The following MOCS1 variants were observed in gnomAD, a reference collection of about 807,000 sequenced individuals.
MOCS1 encodes the protein molybdenum cofactor synthesis 1.
A neutral mutation model predicts 57.6 loss-of-function variants in MOCS1; 39 were observed. The observed-to-expected ratio is 0.68, with a 90% CI of 0.52 to 0.88. The LOEUF is 0.88. Among genes scored for constraint, MOCS1 ranks in the 40% least tolerant of loss-of-function variants. The pLI, the probability that MOCS1 is intolerant of heterozygous loss-of-function variation, is 0.00. For missense variants in MOCS1, 795 were observed against 831.1 expected (o/e 0.96, Z 0.53); for synonymous variants, 334 against 335.7 (o/e 1.00, Z 0.05).
At position 39,906,253 on chromosome 6, in the gene MOCS1, TAAAC is replaced by T. The variant is rs745309282; in HGVS notation, c.*100_*103del. The T allele has an allele frequency of 1.4e-5, 21 of 1,448,734 alleles. No homozygotes were observed. The highest frequency in any genetic ancestry group is 3.3e-5 in the Admixed American group (2 of 59,826). 89.7% of individuals were successfully genotyped at this position (1,448,734 alleles called of 1,614,324 possible). A position where few individuals can be genotyped will look rare whatever the true frequency, so the allele number is the denominator to read the frequency against. On this transcript the variant is annotated 3_prime_UTR_variant, in exon 11 of 11. Transcript: ENST00000340692. Reference sequence around the variant, plus strand: ...CTGACTTCGGGTTTACTGCTCAAGGTAAACAAACAGTGACTGTGATTAAAGGAAC... The same window carrying T: ...CTGACTTCGGGTTTACTGCTCAAGGTAAACAGTGACTGTGATTAAAGGAAC...
At chr6:39,929,896 C>G (rs547545909) in intron 1 of MOCS1, among the ~76,000 whole-genome samples, 1 of 143,834 alleles carries the variant, frequency 7.0e-6, no homozygotes, top group African/African-American at 2.6e-5. Flanking sequence ...CAGCCAAGAT[C>G]GCACCACTGT....
At position 39,927,313 on chromosome 6, in the gene MOCS1, C is replaced by A. The variant is rs540414106; in HGVS notation, c.250+16G>T. The A allele has an allele frequency of 8.7e-6, 14 of 1,609,260 alleles. No individual in the cohort carries two copies. The East Asian group carries it at 2.9e-4, about 33-fold the overall frequency. On this transcript the variant is annotated intron_variant, in intron 2 of 10. Transcript: ENST00000340692. ...GATGGACACCAGCCCAGAGAGGGCCCAGGAAGGTGACTCACATCTGAGGTT... is the reference window on the plus strand; with the variant it reads ...GATGGACACCAGCCCAGAGAGGGCCAAGGAAGGTGACTCACATCTGAGGTT...
Position 39,912,134 on chromosome 6 carries a change from CATT to C in MOCS1, c.981+127_981+129del, listed in dbSNP as rs1166168202. 6 of 762,380 alleles carry C rather than the reference CATT, an allele frequency of 7.9e-6. No homozygotes were observed. The East Asian group carries it at 1.5e-4, about 19-fold the overall frequency. The allele number at this position is 762,380 out of a possible 1,614,324, so 47.2% of individuals were successfully genotyped here. A position where few individuals can be genotyped will look rare whatever the true frequency, so the allele number is the denominator to read the frequency against. On this transcript the variant is annotated intron_variant, in intron 8 of 10. Coordinates refer to ENST00000340692, the MANE Select transcript of MOCS1 (RefSeq NM_001358530.2). ...GCTCCCATCATGCCCCCAAACCTGA[CATT>C]ATTGCACCAACCACCTCCCCCGACA...
At chr6:39,929,299 C>T (rs1280742727) in intron 1 of MOCS1, among the ~76,000 whole-genome samples, 3 of 152,124 alleles carry the variant, frequency 2.0e-5, no homozygotes, top group African/African-American at 7.2e-5. Flanking sequence ...AAACTCAACC[C>T]ATTGCCTTTC....
In MOCS1 at chr6:39,927,393, T is replaced by C; in HGVS notation, c.186A>G (p.Thr62=). The C allele has an allele frequency of 6.2e-7, 1 of 1,612,832 alleles. No individual in the cohort carries two copies. Among genetic ancestry groups the C allele is most frequent in the South Asian group, 1.1e-5 (1 of 91,072 alleles). Residue 62 remains threonine, a synonymous_variant, in exon 2 of 11, where the codon ACA becomes ACG. Transcript: ENST00000340692. ...EHAAPFSAFL[T]DSFGRQHSYL... ...AGCTGTGCTGCCGGCCGAAGCTGTC[T>C]GTGAGGAAGGCGGAGAAGGGGGCCG...
chr6:39,933,878 G>A (rs1031918387), intron 1 of MOCS1, among the ~76,000 whole-genome samples: 2 of 152,092 alleles, frequency 1.3e-5, no homozygotes, highest in Non-Finnish European at 2.9e-5. Flanking sequence ...TTAGTCAGTC[G>A]CACTATGAAG....
chr6:39,909,056 G>A lies in MOCS1; in HGVS notation c.1149C>T (p.Ile383=), dbSNP rs367767625. Residue 383 remains isoleucine (I), a splice_region_variant and synonymous_variant, in exon 10 of 11, where the codon ATC becomes ATT. Coordinates refer to ENST00000340692, the MANE Select transcript of MOCS1 (RefSeq NM_001358530.2). ...GTTACGTACTGATGGGTCACCCACC[G>A]ATGAGGATCATGGGCCGGTTCTTCA... ...SQMKNRPMIL[I]ELFLMFPNSP... is the part of the protein sequence containing the mutation. 63 of 1,611,782 alleles carry A rather than the reference G, an allele frequency of 3.9e-5. No homozygotes were observed. The highest frequency in any genetic ancestry group is 1.6e-4 in the Middle Eastern group (1 of 6,062).
At chr6:39,911,629 A>T (rs1225435106) in intron 8 of MOCS1, among the ~76,000 whole-genome samples, 1 of 152,158 alleles carries the variant, frequency 6.6e-6, no homozygotes. Context: ...AATCTGCCCT[A>T]GCCCGCCCAA....
chr6:39,925,511 C>T (rs1768225445), intron 3 of MOCS1, among the ~76,000 whole-genome samples, 167 bp downstream of exon 3: 2 of 152,168 alleles, frequency 1.3e-5, no homozygotes, highest in African/African-American at 4.8e-5. Flanking sequence ...GCCTCATTTT[C>T]TCATCAAAAA....
Position 39,905,898 on chromosome 6 carries a change from A to G in MOCS1, c.*459T>C. ...AGCTGCCGGGGAGAAGTTGGGATCC[A>G]TTCTTCAGGCAAGCTTGTGCTTTGC... On this transcript the variant is annotated 3_prime_UTR_variant, in exon 11 of 11. Coordinates refer to ENST00000340692, the MANE Select transcript of MOCS1 (RefSeq NM_001358530.2). 2.1e-6 allele frequency: 1 copy of G among 469,304 alleles called. No homozygotes were observed. The highest frequency in any genetic ancestry group is 4.4e-6 in the Non-Finnish European group (1 of 227,808). The allele number at this position is 469,304 out of a possible 1,614,324, so 29.1% of individuals were successfully genotyped here.
Position 39,925,721 on chromosome 6 carries a change from T to C in MOCS1, c.375A>G (p.Thr125=), listed in dbSNP as rs1416831463. ...CCGGCCGGATAAGCGGCTCTCCACC[T>C]GTGAGCCGGATCTTGTCGATGCCTT... ...VKEGIDKIRL[T]GGEPLIRPDV... Residue 125 remains threonine, a synonymous_variant, in exon 3 of 11, where the codon ACA becomes ACG. Coordinates refer to ENST00000340692, the MANE Select transcript of MOCS1 (RefSeq NM_001358530.2). 6.2e-7 allele frequency: 1 copy of C among 1,612,820 alleles called. No individual in the cohort carries two copies. Among genetic ancestry groups the C allele is most frequent in the South Asian group, 1.1e-5 (1 of 91,090 alleles).
intron 1 of MOCS1, among the ~76,000 whole-genome samples, chr6:39,933,833 A>T (rs1250071797): frequency 6.6e-6 from 1 of 152,170 alleles, no homozygotes; most frequent in East Asian, 1.9e-4. Context: ...GGACTACAGT[A>T]ACAACTCATC....
intron 4 of MOCS1, among the ~76,000 whole-genome samples, chr6:39,915,054 T>A (rs1767578635): frequency 6.6e-6 from 1 of 152,164 alleles, no homozygotes; most frequent in East Asian, 1.9e-4. Flanking sequence ...CCCTCCTAGT[T>A]CTCTCCTGCT....
intron 3 of MOCS1, among the ~76,000 whole-genome samples, chr6:39,920,104 T>C (rs1029211473): frequency 7.9e-5 from 12 of 151,984 alleles, no homozygotes; most frequent in Non-Finnish European, 1.2e-4. Flanking sequence ...AATAGAAAAA[T>C]AGGCAAAAGA....
At chr6:39,928,389 C>T (rs911518748) in intron 1 of MOCS1, among the ~76,000 whole-genome samples, 8 of 152,152 alleles carry the variant, frequency 5.3e-5, no homozygotes, top group African/African-American at 1.9e-4. Context: ...TGGTCTCGAT[C>T]TCCTGACCTC....
intron 1 of MOCS1, 90 bp downstream of exon 1, chr6:39,934,205 A>G: frequency 7.0e-7 from 1 of 1,431,368 alleles, no homozygotes; most frequent in African/African-American, 1.4e-5. Context: ...GCGGTCAAGC[A>G]GATAGGCCGG....
chr6:39,916,127 A>T lies in MOCS1; in HGVS notation c.524T>A (p.Ile175Asn). The T allele has an allele frequency of 6.2e-7, 1 of 1,613,938 alleles. No homozygotes were observed. The highest frequency in any genetic ancestry group is 8.5e-7 in the Non-Finnish European group (1 of 1,179,976). The change falls in exon 4 of 11, where the codon ATC (isoleucine) becomes AAC (asparagine). Residue 175 changes from isoleucine to asparagine, a missense_variant. By Grantham distance (149) the Ile-to-Asn change is moderately radical. This residue lies in a region of MOCS1 where 416 missense variants were observed against 392.4 expected (regional missense o/e 1.06). Coordinates refer to ENST00000340692, the MANE Select transcript of MOCS1 (RefSeq NM_001358530.2). ...PQLQKAGLSAINISLDTLVPA... is the reference protein window; with the variant it reads ...PQLQKAGLSANNISLDTLVPA... ...CACCAGGGTGTCCAGGCTGATGTTG[A>T]TGGCACTGAGACCAGCCTTCTGAAG...
At chr6:39,907,936 G>A (rs1168153134) in intron 10 of MOCS1, among the ~76,000 whole-genome samples, 1 of 152,222 alleles carries the variant, frequency 6.6e-6, no homozygotes, top group Non-Finnish European at 1.5e-5. Flanking sequence ...GAAAGTATGA[G>A]GCAAATGCTC....
intron 8 of MOCS1, among the ~76,000 whole-genome samples, chr6:39,911,812 T>C (rs1360918011): frequency 6.6e-6 from 1 of 152,220 alleles, no homozygotes; most frequent in Non-Finnish European, 1.5e-5. Context: ...TGGTCTTGCC[T>C]GTGAGTCTGC....
Sources: allele counts gnomAD v4.1 joint callset (sites outside exome capture counted in the v4.1 genomes callset), GRCh38; gene constraint gnomAD v4.1.1; regional missense constraint gnomAD v4.1.1; transcripts MANE v1.5; gene names NCBI Gene and HGNC (gene_info 2026-07-23, HGNC 2026-07-21).